CNTNAP5: variants seen among roughly 807,000 people sequenced by gnomAD.
The protein encoded by CNTNAP5 is contactin-associated protein-like 5.
Under a neutral mutation model 150.2 loss-of-function variants are expected in CNTNAP5, and 72 were observed. The observed-to-expected ratio is 0.48, with a 90% CI of 0.40 to 0.58. CNTNAP5 has a LOEUF of 0.58. Ranked by LOEUF, CNTNAP5 falls within the 20% of genes least tolerant of loss-of-function variation. The pLI is 0.00. For synonymous variants in CNTNAP5, 672 were observed against 619.8 expected, an observed-to-expected ratio of 1.08 and a Z score of -1.25; for missense variants, 1,636 against 1,626.2, an observed-to-expected ratio of 1.01 and a Z score of -0.10.
chr2:124,637,194 C>T (rs927793050), intron 12 of CNTNAP5, among the ~76,000 whole-genome samples: 6 of 152,166 alleles, frequency 3.9e-5, no homozygotes, highest in African/African-American at 1.4e-4. Context: ...CAAGCAGTGT[C>T]TACAATTTGG....
chr2:124,769,931 G>A (rs1681154282), intron 16 of CNTNAP5, among the ~76,000 whole-genome samples: 1 of 152,100 alleles, frequency 6.6e-6, no homozygotes, highest in Admixed American at 6.6e-5. Context: ...AATGAAAAAT[G>A]AGTAGTAAGG....
At chr2:124,118,772 A>G (rs1384033005) in intron 1 of CNTNAP5, among the ~76,000 whole-genome samples, 2 of 152,134 alleles carry the variant, frequency 1.3e-5, no homozygotes, top group Non-Finnish European at 2.9e-5. Flanking sequence ...TGCGTATCTC[A>G]TTTAGTCTTC....
intron 19 of CNTNAP5, among the ~76,000 whole-genome samples, chr2:124,806,326 T>G (rs147131786): frequency 1.3e-5 from 2 of 152,238 alleles, no homozygotes; most frequent in East Asian, 3.9e-4. Flanking sequence ...TGGGGCCATA[T>G]TGGGGAAAGG....
intron 1 of CNTNAP5, among the ~76,000 whole-genome samples, chr2:124,167,235 C>G (rs1256344727): frequency 6.6e-6 from 1 of 152,142 alleles, no homozygotes; most frequent in Non-Finnish European, 1.5e-5. Context: ...GAAAACCACA[C>G]ATAATTCATT....
At chr2:124,398,756 C>T (rs942321642) in intron 3 of CNTNAP5, among the ~76,000 whole-genome samples, 15 of 152,258 alleles carry the variant, frequency 9.9e-5, no homozygotes, top group African/African-American at 2.9e-4. Context: ...GCTGGGATTA[C>T]GGGCATAAGC....
At chr2:124,771,142 C>T (rs150418873) in intron 16 of CNTNAP5, among the ~76,000 whole-genome samples, 6 of 152,262 alleles carry the variant, frequency 3.9e-5, no homozygotes, top group African/African-American at 2.4e-5. Context: ...AGAAAGTGCT[C>T]TGAGGTGGAG....
At chr2:124,665,748 T>C (rs1209257602) in intron 13 of CNTNAP5, among the ~76,000 whole-genome samples, 2 of 151,920 alleles carry the variant, frequency 1.3e-5, no homozygotes, top group East Asian at 3.9e-4. Context: ...TAGCCGGGCG[T>C]GGTGGCGGGC....
rs773913383 is a variant in CNTNAP5, at chr2:124,565,250, C to CA, written c.1756+1935dup. 1.6e-4 allele frequency among the ~76,000 whole-genome samples: 24 copies of CA among 151,782 alleles called. 1 individual carries two copies. Among genetic ancestry groups the CA allele is most frequent in the Non-Finnish European group, 2.1e-4 (14 of 67,882 alleles). On this transcript the variant is annotated intron_variant, in intron 11 of 23. Transcript: ENST00000682447. ...TATTGCTGTTAGTTGCCTGCAGAAA[C>CA]AAAAAAAATATTGTTTGGCTTTATA...
intron 3 of CNTNAP5, among the ~76,000 whole-genome samples, chr2:124,354,683 G>A (rs904245425): frequency 7.2e-5 from 11 of 152,164 alleles, no homozygotes; most frequent in Non-Finnish European, 7.3e-5. Context: ...TATGAAACAC[G>A]TATTTCCTGG....
chr2:124,745,085 A>G (rs1680577685), intron 13 of CNTNAP5, among the ~76,000 whole-genome samples: 1 of 152,202 alleles, frequency 6.6e-6, no homozygotes, highest in African/African-American at 2.4e-5. Context: ...TGATGGATTC[A>G]AAACGGAATT....
At chr2:124,599,950 G>A (rs1001572909) in intron 11 of CNTNAP5, among the ~76,000 whole-genome samples, 3 of 151,886 alleles carry the variant, frequency 2.0e-5, no homozygotes, top group African/African-American at 7.3e-5. Flanking sequence ...TTGAGATTTA[G>A]AACCATGTCT....
intron 12 of CNTNAP5, among the ~76,000 whole-genome samples, chr2:124,630,630 A>G (rs112333011): frequency 6.6e-6 from 1 of 152,228 alleles, no homozygotes; most frequent in African/African-American, 2.4e-5. Context: ...CTGAATGGAC[A>G]AAAACTGGAA....
At chr2:124,454,008 A>C (rs1257496421) in intron 6 of CNTNAP5, among the ~76,000 whole-genome samples, 2 of 152,204 alleles carry the variant, frequency 1.3e-5, no homozygotes, top group African/African-American at 4.8e-5. Flanking sequence ...CAGAGTATAC[A>C]GGCAACAAAT....
intron 1 of CNTNAP5, among the ~76,000 whole-genome samples, chr2:124,163,595 A>T (rs534525243): frequency 1.3e-5 from 2 of 152,148 alleles, no homozygotes; most frequent in Non-Finnish European, 1.5e-5. Flanking sequence ...CTAAAGGTCA[A>T]TACAAGCAAC....
chr2:124,863,336 G>A (rs985407170), intron 19 of CNTNAP5, among the ~76,000 whole-genome samples: 3 of 152,126 alleles, frequency 2.0e-5, no homozygotes, highest in African/African-American at 7.2e-5. Flanking sequence ...GCCAGGGGCA[G>A]GAGGGGTACC....
intron 13 of CNTNAP5, among the ~76,000 whole-genome samples, chr2:124,714,301 T>A (rs975009993): frequency 1.1e-4 from 16 of 152,092 alleles, no homozygotes; most frequent in African/African-American, 3.1e-4. Context: ...AGCTCAGAAA[T>A]TAGTGATGTA....
chr2:124,049,237 A>C (rs2104640768), intron 1 of CNTNAP5, among the ~76,000 whole-genome samples: 1 of 152,296 alleles, frequency 6.6e-6, no homozygotes, highest in East Asian at 1.9e-4. Flanking sequence ...CAACAAGGAA[A>C]TGAGGTGGGA....
rs115948866 is a variant in CNTNAP5, at chr2:124,091,841, T to G, written c.82+66109T>G. ...AACGGCTAGGAGCTGTCGGTGCCTG[T>G]GATAGTGCAGATGGCTTCTGCTGAG... On this transcript the variant is annotated intron_variant, in intron 1 of 23. Transcript: ENST00000682447. Among the ~76,000 whole-genome samples, 553 of 152,226 alleles carry G rather than the reference T, an allele frequency of 3.6e-3. 4 individuals carry two copies. Among genetic ancestry groups the G allele is most frequent in the African/African-American group, 7.9e-3 (330 of 41,536 alleles).
chr2:124,364,145 C>T (rs1483320979), intron 3 of CNTNAP5, among the ~76,000 whole-genome samples: 1 of 152,186 alleles, frequency 6.6e-6, no homozygotes, highest in Non-Finnish European at 1.5e-5. Flanking sequence ...CATGAAACTT[C>T]CTGAGACCTC....
Sources: gnomAD v4.1 joint callset for allele counts (sites outside exome capture counted in the v4.1 genomes callset) on GRCh38, gnomAD v4.1.1 for gene constraint, MANE v1.5 for transcripts, NCBI Gene and HGNC (gene_info 2026-07-23, HGNC 2026-07-21) for gene names.